Variants in FDFT1 observed in about 807,000 individuals in gnomAD.
FDFT1 encodes farnesyl-diphosphate farnesyltransferase 1.
Under a neutral mutation model 46.8 loss-of-function variants are expected in FDFT1, and 68 were observed. That is an observed-to-expected ratio of 1.45 (90% CI 1.19 to 1.78). FDFT1 has a LOEUF of 1.78. FDFT1 is among the 40% of genes most tolerant of loss of function. The probability of loss-of-function intolerance (pLI) is 0.00; values close to 1 mark genes in which losing one functional copy is unlikely to be tolerated. For missense variants in FDFT1, 928 were observed against 524.4 expected (o/e 1.77, Z -7.52); for synonymous variants, 351 against 185.1 (o/e 1.90, Z -7.28).
intron 4 of FDFT1, 22 bp from the exon 5 acceptor site, chr8:11,826,002 C>A: frequency 6.7e-7 from 1 of 1,497,820 alleles, no homozygotes; most frequent in South Asian, 1.3e-5. Context: ...TATTAAAGTG[C>A]TTTAAAAATC....
intron 3 of FDFT1, among the ~76,000 whole-genome samples, chr8:11,814,205 A>G (rs985119387): frequency 4.6e-5 from 7 of 152,162 alleles, no homozygotes; most frequent in Admixed American, 3.9e-4. Context: ...TGTTTCAGCC[A>G]CAAGAAGGAA....
Position 11,810,299 on chromosome 8 carries a change from A to G in FDFT1, c.381+449A>G, listed in dbSNP as rs146447915. 2.0e-3 allele frequency among the ~76,000 whole-genome samples: 297 copies of G among 152,304 alleles called. 2 individuals carry two copies. Among genetic ancestry groups the G allele is most frequent in the African/African-American group, 4.7e-3 (196 of 41,558 alleles). Reference sequence around the variant, plus strand: ...CTCACAAAAGCCTGCCGACTGTATGATGCAGCCTACCTGTAACACTGCTGG... The same window carrying G: ...CTCACAAAAGCCTGCCGACTGTATGGTGCAGCCTACCTGTAACACTGCTGG... On this transcript the variant is annotated intron_variant, in intron 3 of 7. Transcript: ENST00000220584.
At chr8:11,796,869 C>T (rs1805610783) in intron 1 of FDFT1, among the ~76,000 whole-genome samples, 1 of 152,220 alleles carries the variant, frequency 6.6e-6, no homozygotes, top group South Asian at 2.1e-4. Context: ...AAGAAAACAA[C>T]TTCATTAAAG....
upstream of FDFT1, chr8:11,802,484 C>T (rs760929396): frequency 3.1e-5 from 15 of 483,680 alleles, no homozygotes; most frequent in African/African-American, 5.9e-5. Context: ...AGGCCCGGCT[C>T]CATCAGGGCA....
rs201339661 is a variant in FDFT1, at chr8:11,830,339, A to G, written c.798A>G (p.Ala266=). 5.6e-6 allele frequency: 9 copies of G among 1,613,830 alleles called. No individual in the cohort carries two copies. Among genetic ancestry groups the G allele is most frequent in the Admixed American group, 1.7e-5 (1 of 60,006 alleles). Residue 266 remains alanine, a synonymous_variant, in exon 6 of 8, where the codon GCA becomes GCG. Transcript: ENST00000220584. ...GCCTGAATGAACTTATAACCAATGC[A>G]CTGCACCACATCCCAGATGTCATCA... ...VQCLNELITN[A]LHHIPDVITY...
chr8:11,808,483 T>A (rs1372614959), intron 1 of FDFT1: 2 of 1,325,040 alleles, frequency 1.5e-6, no homozygotes, highest in Non-Finnish European at 9.6e-7. Context: ...TGCTTGAGTC[T>A]ATGGAGGAAA....
chr8:11,799,836 C>T (rs1805922991), upstream of FDFT1, among the ~76,000 whole-genome samples: 1 of 151,420 alleles, frequency 6.6e-6, no homozygotes, highest in Admixed American at 6.6e-5. Context: ...GTTCCAGCTA[C>T]TCGGGAGGCT....
upstream of FDFT1, chr8:11,802,235 G>C (rs1023527877): frequency 7.8e-6 from 3 of 386,078 alleles, no homozygotes; most frequent in African/African-American, 4.2e-5. Context: ...CTTGGCGCTG[G>C]CCCGGCCTTT....
upstream of FDFT1, chr8:11,802,365 C>G (rs1293299248): frequency 1.3e-5 from 6 of 449,010 alleles, no homozygotes; most frequent in Non-Finnish European, 2.2e-5. Context: ...CCGCACTGCT[C>G]TCCCGACTGC....
At chr8:11,797,078 G>A (rs905792727) in intron 1 of FDFT1, among the ~76,000 whole-genome samples, 2 of 152,210 alleles carry the variant, frequency 1.3e-5, no homozygotes, top group African/African-American at 4.8e-5. Flanking sequence ...CATGGAAAGG[G>A]GTGGTAAATC....
intron 5 of FDFT1, among the ~76,000 whole-genome samples, chr8:11,829,327 A>G (rs1015079145): frequency 3.3e-5 from 5 of 152,256 alleles, no homozygotes; most frequent in African/African-American, 9.6e-5. Context: ...CTAGCTTCAG[A>G]GAATCCTCTA....
At chr8:11,824,179 A>G (rs1049822615) in intron 4 of FDFT1, among the ~76,000 whole-genome samples, 8 of 152,070 alleles carry the variant, frequency 5.3e-5, no homozygotes, top group African/African-American at 1.9e-4. Context: ...TACCCTTCCT[A>G]ATGACACTCC....
In FDFT1 at chr8:11,831,559, G is replaced by T. The variant is rs138035023; in HGVS notation, c.921G>T (p.Gln307His). 1.2e-6 allele frequency: 2 copies of T among 1,614,138 alleles called. No homozygotes were observed. Among genetic ancestry groups the T allele is most frequent in the Non-Finnish European group, 1.7e-6 (2 of 1,179,960 alleles). ...IATLAACYNN[Q>H]QVFKGAVKIR... ...CTTTGGCTGCCTGTTATAATAACCAGCAGGTGTTCAAAGGGGCAGTGAAGA... is the reference window on the plus strand; with the variant it reads ...CTTTGGCTGCCTGTTATAATAACCATCAGGTGTTCAAAGGGGCAGTGAAGA... Residue 307 changes from glutamine (Q) to histidine (H), a missense_variant, in exon 7 of 8, where the codon CAG (glutamine) becomes CAT (histidine). Coordinates refer to ENST00000220584, the MANE Select transcript of FDFT1 (RefSeq NM_004462.5).
intron 7 of FDFT1, among the ~76,000 whole-genome samples, chr8:11,832,400 T>G (rs1475085571): frequency 1.3e-5 from 2 of 150,962 alleles, no homozygotes; most frequent in African/African-American, 2.4e-5. Context: ...ACAAAAAATT[T>G]AAAAATTGTC....
intron 3 of FDFT1, among the ~76,000 whole-genome samples, chr8:11,810,957 A>C (rs1236353486): frequency 6.8e-6 from 1 of 147,754 alleles, no homozygotes; most frequent in Non-Finnish European, 1.5e-5. Flanking sequence ...AAAAAAAAAA[A>C]AGGAATGTTT....
intron 3 of FDFT1, among the ~76,000 whole-genome samples, chr8:11,810,229 G>T (rs1193721236): frequency 6.6e-6 from 1 of 152,222 alleles, no homozygotes. Context: ...CTTCCTGTGG[G>T]AAGACGCAGT....
At chr8:11,807,068 C>G (rs929373217) in intron 1 of FDFT1, among the ~76,000 whole-genome samples, 1 of 149,738 alleles carries the variant, frequency 6.7e-6, no homozygotes, top group South Asian at 2.3e-4. Context: ...CACCAGAGCC[C>G]AGGGTTCACT....
chr8:11,820,946 G>C (rs1809150860), intron 3 of FDFT1, among the ~76,000 whole-genome samples: 1 of 152,322 alleles, frequency 6.6e-6, no homozygotes, highest in East Asian at 1.9e-4. Context: ...CCCATCTTCT[G>C]CATCGATCTT....
chr8:11,808,541 C>G, intron 1 of FDFT1: 1 of 1,340,884 alleles, frequency 7.5e-7, no homozygotes, highest in Non-Finnish European at 9.5e-7. Context: ...CCTGCGGCAC[C>G]AAGGCCATGG....
Sources: allele counts gnomAD v4.1 joint callset (sites outside exome capture counted in the v4.1 genomes callset), GRCh38; gene constraint gnomAD v4.1.1; transcripts MANE v1.5; gene names NCBI Gene and HGNC (gene_info 2026-07-23, HGNC 2026-07-21).